Variants in SPATA9 observed in about 807,000 individuals in gnomAD.
The protein encoded by SPATA9 is spermatogenesis associated 9.
SPATA9 carries 27 observed loss-of-function variants against 25.5 expected under a neutral mutation model. The observed-to-expected ratio is 1.06, with a 90% CI of 0.78 to 1.46. SPATA9 has a LOEUF of 1.46. SPATA9 is among the 40% of genes most tolerant of loss of function. The pLI, the probability that SPATA9 is intolerant of heterozygous loss-of-function variation, is 0.00. For missense variants in SPATA9, 282 were observed against 297.5 expected (o/e 0.95, Z 0.38); for synonymous variants, 102 against 105.7 (o/e 0.97, Z 0.21).
chr5:95,672,994 G>A (rs1372872490), intron 3 of SPATA9, among the ~76,000 whole-genome samples: 2 of 152,128 alleles, frequency 1.3e-5, no homozygotes, highest in Non-Finnish European at 1.5e-5. Context: ...AGAGAGACAT[G>A]TACCTCCCTG....
At chr5:95,673,564 G>A (rs1336176800) in intron 3 of SPATA9, among the ~76,000 whole-genome samples, 1 of 152,140 alleles carries the variant, frequency 6.6e-6, no homozygotes, top group East Asian at 1.9e-4. Context: ...AAATACAGAA[G>A]TATTCTTCAA....
upstream of SPATA9, among the ~76,000 whole-genome samples, chr5:95,687,265 C>A (rs1753772593): frequency 6.6e-6 from 1 of 152,120 alleles, no homozygotes; most frequent in South Asian, 2.1e-4. Context: ...GGGGCAAAAC[C>A]AGTGAAATCC....
the SPATA9 span, among the ~76,000 whole-genome samples, chr5:95,722,958 A>C: frequency 6.6e-6 from 1 of 152,248 alleles, no homozygotes; most frequent in East Asian, 1.9e-4. Context: ...TGTAAAACCA[A>C]ACAGTTGTTT....
chr5:95,712,205 A>G, the SPATA9 span, among the ~76,000 whole-genome samples: 2 of 152,202 alleles, frequency 1.3e-5, no homozygotes, highest in African/African-American at 2.4e-5. Context: ...TTGAGATTCA[A>G]ATGATGGCAA....
chr5:95,705,857 T>C, the SPATA9 span, among the ~76,000 whole-genome samples: 1 of 152,160 alleles, frequency 6.6e-6, no homozygotes, highest in African/African-American at 2.4e-5. Flanking sequence ...ATCTCTAGTG[T>C]TTTTCCATGG....
chr5:95,704,876 G>T, the SPATA9 span, among the ~76,000 whole-genome samples: 1 of 151,906 alleles, frequency 6.6e-6, no homozygotes. Flanking sequence ...TGAGACAGAG[G>T]GTCAAGAGAG....
the SPATA9 span, among the ~76,000 whole-genome samples, chr5:95,716,226 C>T: frequency 2.6e-5 from 4 of 152,212 alleles, no homozygotes; most frequent in African/African-American, 4.8e-5. Context: ...CAGCTTGCTC[C>T]GTGCACCTAG....
At chr5:95,713,741 T>A in the SPATA9 span, 1 of 152,138 alleles carries the variant, frequency 6.6e-6, no homozygotes, top group Non-Finnish European at 1.5e-5. Flanking sequence ...TCCCTTCTCA[T>A]TCCTTTCATC....
At chr5:95,682,451 G>A in intron 2 of SPATA9, 77 bp downstream of exon 2, 1 of 1,031,430 alleles carries the variant, frequency 9.7e-7, no homozygotes, top group South Asian at 1.7e-5. Context: ...TCAAAATCAA[G>A]CATTAAATAA....
chr5:95,688,400 G>T, intron 1 of SPATA9, among the ~76,000 whole-genome samples: 1 of 152,140 alleles, frequency 6.6e-6, no homozygotes, highest in East Asian at 1.9e-4. Flanking sequence ...ACAGGCATGT[G>T]CCATCATGCC....
chr5:95,655,505 AACAG>A (rs1239017587), downstream of SPATA9: 1 of 152,662 alleles, frequency 6.6e-6, no homozygotes, highest in Non-Finnish European at 1.5e-5. Flanking sequence ...ACTACATTTA[AACAG>A]AGAGACATGC....
At chr5:95,713,791 C>T in the SPATA9 span, 12 of 151,218 alleles carry the variant, frequency 7.9e-5, 1 homozygote, top group African/African-American at 2.7e-4. Context: ...TTTTTTTCTT[C>T]AGTAACTAGA....
At chr5:95,671,031 G>C (rs1752320987) in intron 3 of SPATA9, 1 of 294,348 alleles carries the variant, frequency 3.4e-6, no homozygotes, top group African/African-American at 2.3e-5. Context: ...TCTGACCTGG[G>C]ACTGTTCTCA....
At chr5:95,678,738 T>G (rs990781927) in intron 2 of SPATA9, among the ~76,000 whole-genome samples, 10 of 152,268 alleles carry the variant, frequency 6.6e-5, no homozygotes, top group African/African-American at 2.4e-4. Flanking sequence ...TAAAAAAAAT[T>G]TGCCGCACTT....
intron 3 of SPATA9, among the ~76,000 whole-genome samples, 197 bp downstream of exon 3, chr5:95,675,215 A>G (rs1212336262): frequency 1.3e-5 from 2 of 152,208 alleles, no homozygotes; most frequent in Non-Finnish European, 2.9e-5. Context: ...ACAGTTTCAT[A>G]TAGTTCAATT....
the SPATA9 span, chr5:95,731,229 G>A: frequency 1.0e-6 from 1 of 1,003,720 alleles, no homozygotes; most frequent in Non-Finnish European, 1.2e-6. Flanking sequence ...GCATCCGCCC[G>A]ACCCCCGGGG....
intron 2 of SPATA9, among the ~76,000 whole-genome samples, chr5:95,679,833 G>A (rs1753272672): frequency 6.6e-6 from 1 of 152,252 alleles, no homozygotes; most frequent in African/African-American, 2.4e-5. Context: ...AGGGAGTTCA[G>A]TAGGTCCTGA....
At chr5:95,708,377 T>C in the SPATA9 span, among the ~76,000 whole-genome samples, 1 of 152,140 alleles carries the variant, frequency 6.6e-6, no homozygotes, top group Non-Finnish European at 1.5e-5. Flanking sequence ...TTAATTCCCA[T>C]GACATGCCAT....
chr5:95,654,079 T>C (rs376152925), downstream of SPATA9: 1 of 1,610,262 alleles, frequency 6.2e-7, no homozygotes, highest in African/African-American at 1.3e-5. Context: ...TTGATGGCTC[T>C]GCACAAGATC....
Sources: allele counts gnomAD v4.1 joint callset (sites outside exome capture counted in the v4.1 genomes callset), GRCh38; gene constraint gnomAD v4.1.1; transcripts MANE v1.5; gene names NCBI Gene and HGNC (gene_info 2026-07-23, HGNC 2026-07-21).